The following BCL2L14 variants were observed in gnomAD, a reference collection of about 807,000 sequenced individuals.
The protein encoded by BCL2L14 is BCL2 like 14.
A neutral mutation model predicts 35.3 loss-of-function variants in BCL2L14; 27 were observed. That is an observed-to-expected ratio of 0.76 (90% confidence interval 0.56 to 1.05). The LOEUF is 1.05. Among genes scored for constraint, BCL2L14 ranks in the 50% least tolerant of loss-of-function variants. The pLI is 0.00. For missense variants in BCL2L14, 377 were observed against 382.6 expected, an observed-to-expected ratio of 0.99 and a Z score of 0.12; for synonymous variants, 139 against 145.9, an observed-to-expected ratio of 0.95 and a Z score of 0.34.
At chr12:12,078,397 G>C (rs573640752) in intron 1 of BCL2L14, among the ~76,000 whole-genome samples, 1 of 147,494 alleles carries the variant, frequency 6.8e-6, no homozygotes, top group African/African-American at 2.6e-5. Context: ...TCCCCAGCAA[G>C]ACCTTTAACT....
chr12:12,066,715 ATTTTT>A (rs1308425590), upstream of BCL2L14, among the ~76,000 whole-genome samples: 5 of 149,718 alleles, frequency 3.3e-5, no homozygotes, highest in Admixed American at 2.7e-4. Flanking sequence ...TATTATTATT[ATTTTT>A]TTTTTTTTTT....
rs1334134620 is a variant in BCL2L14, at chr12:12,099,056, A to T, written c.*68A>T. On this transcript the variant is annotated 3_prime_UTR_variant, in exon 6 of 6. Coordinates refer to ENST00000308721, the MANE Select transcript of BCL2L14 (RefSeq NM_138723.2). The stretch of plus-strand genomic sequence containing the variant: ...TCCTGTGCACGTTGGCCTCAGATGG[A>T]CTACAGGAGATTACAACGTACAAGG... The T allele has an allele frequency of 3.5e-6, 4 of 1,131,462 alleles. No homozygotes were observed. In the African/African-American group the frequency reaches 6.1e-5, roughly 17 times the overall value. The allele number at this position is 1,131,462 out of a possible 1,614,324, so 70.1% of individuals were successfully genotyped here.
chr12:12,088,103 C>A (rs1445437393), intron 3 of BCL2L14, among the ~76,000 whole-genome samples: 1 of 152,184 alleles, frequency 6.6e-6, no homozygotes, highest in Non-Finnish European at 1.5e-5. Flanking sequence ...TTCGTTGTCT[C>A]ATGCCAAGGG....
chr12:12,069,836 G>A (rs375563022), upstream of BCL2L14, among the ~76,000 whole-genome samples: 93 of 152,134 alleles, frequency 6.1e-4, no homozygotes, highest in African/African-American at 1.9e-3. Flanking sequence ...AATTCACCTC[G>A]AGTTACTAAA....
rs150012654 is a variant in BCL2L14, at chr12:12,076,980, C to T, written c.-7-2319C>T. ...AGGATGTTGCAGGTTAGAAGCTGAG[C>T]CAGCCGTGGCTATCCATCCTTCAGA... On this transcript the variant is annotated intron_variant, in intron 1 of 5. Transcript: ENST00000308721. Among the ~76,000 whole-genome samples, 441 of 152,286 alleles carry T rather than the reference C, an allele frequency of 2.9e-3. 2 individuals carry two copies. Among genetic ancestry groups the T allele is most frequent in the Non-Finnish European group, 4.8e-3 (329 of 68,036 alleles).
intron 1 of BCL2L14, 158 bp from the exon 2 acceptor site, chr12:12,079,141 C>A: frequency 1.6e-6 from 1 of 642,006 alleles, no homozygotes; most frequent in Non-Finnish European, 2.7e-6. Flanking sequence ...TCTCTCTTCC[C>A]ACCCTAGTAA....
chr12:12,090,306 G>A (rs1403835994), intron 3 of BCL2L14, among the ~76,000 whole-genome samples: 1 of 152,202 alleles, frequency 6.6e-6, no homozygotes, highest in Non-Finnish European at 1.5e-5. Context: ...CTGGGCAGAA[G>A]AGGCGAGGTA....
At chr12:12,075,425 C>CTTTTT (rs1258768035) in intron 1 of BCL2L14, among the ~76,000 whole-genome samples, 5 of 134,150 alleles carry the variant, frequency 3.7e-5, no homozygotes, top group Non-Finnish European at 3.3e-5. Context: ...TTCTTTCTTT[C>CTTTTT]TTTCTTTCTT....
intron 5 of BCL2L14, 96 bp downstream of exon 5, chr12:12,095,026 A>G (rs1159581223): frequency 4.7e-6 from 7 of 1,484,522 alleles, no homozygotes; most frequent in African/African-American, 1.4e-5. Flanking sequence ...CACATCTATG[A>G]AGCAGTTCTC....
At chr12:12,090,163 G>A (rs10845478) in intron 3 of BCL2L14, among the ~76,000 whole-genome samples, 23,769 of 152,130 alleles carry the variant, frequency 0.16, 2,060 homozygotes, top group Middle Eastern at 0.32. Context: ...CTGTGAAACC[G>A]ATGTCTTCAA....
At chr12:12,084,776 C>T (rs1949006145) in intron 2 of BCL2L14, among the ~76,000 whole-genome samples, 2 of 152,134 alleles carry the variant, frequency 1.3e-5, no homozygotes, top group Admixed American at 6.5e-5. Flanking sequence ...ACATGTCTCA[C>T]TCCATGTCCA....
intron 1 of BCL2L14, among the ~76,000 whole-genome samples, chr12:12,072,779 G>A (rs1008276651): frequency 2.6e-5 from 4 of 152,194 alleles, no homozygotes; most frequent in Non-Finnish European, 4.4e-5. Context: ...ATACTCGATC[G>A]CTGCTGCTTG....
In BCL2L14 at chr12:12,060,809, T is replaced by C. The variant is rs561778550; in HGVS notation, c.-272+8962T>C. ...GCCACTCCCAGAGCCCCTGGAACTC[T>C]GGCCGAAGGCTCTCTGACTGACTCC... On this transcript the variant is annotated intron_variant, in intron 2 of 3. Transcript: ENST00000461264. Among the ~76,000 whole-genome samples the C allele has an allele frequency of 2.5e-4, 33 of 131,202 alleles. No individual in the cohort carries two copies. The South Asian group carries it at 7.7e-3, about 31-fold the overall frequency. The allele number at this position is 131,202 out of a possible 152,430, so 86.1% of individuals were successfully genotyped here.
At chr12:12,052,407 A>G (rs745317062) in intron 2 of BCL2L14, among the ~76,000 whole-genome samples, 62 of 151,872 alleles carry the variant, frequency 4.1e-4, no homozygotes, top group Non-Finnish European at 6.9e-4. Flanking sequence ...GGTAACCACC[A>G]TTGTACTCTC....
At chr12:12,097,069 T>C (rs1021709435) in intron 5 of BCL2L14, among the ~76,000 whole-genome samples, 5 of 152,072 alleles carry the variant, frequency 3.3e-5, no homozygotes, top group African/African-American at 9.7e-5. Flanking sequence ...GGTGTAAACC[T>C]GGGAGGCGGA....
Position 12,094,927 on chromosome 12 carries a change from A to G in BCL2L14, c.942A>G (p.Gly314=), listed in dbSNP as rs2136783514. 1 of 1,612,868 alleles carries G rather than the reference A, an allele frequency of 6.2e-7. No individual in the cohort carries two copies. The part of the protein sequence containing the change: ...NFSPWIQQHG[G]WEKILGISHE... ...CGCCATGGATCCAGCAGCACGGTGG[A>G]TGGGTAAGCGTATCCTATTTAAAAA... is the stretch of plus-strand genomic sequence containing the variant. The change falls in exon 5 of 6, where the codon GGA becomes GGG. Residue 314 remains glycine, a synonymous_variant. Coordinates refer to ENST00000308721, the MANE Select transcript of BCL2L14 (RefSeq NM_138723.2).
At chr12:12,094,107 T>TAAA (rs55947114) in intron 4 of BCL2L14, among the ~76,000 whole-genome samples, 12 of 142,828 alleles carry the variant, frequency 8.4e-5, no homozygotes, top group South Asian at 2.3e-4. Context: ...AACCCTGTCT[T>TAAA]AAAAAAAAAA....
In BCL2L14 at chr12:12,079,678, T is replaced by A; in HGVS notation, c.373T>A (p.Ser125Thr). The change falls in exon 2 of 6, where the codon TCG (serine) becomes ACG (threonine). Residue 125 changes from serine (S) to threonine (T), a missense_variant. Coordinates refer to ENST00000308721, the MANE Select transcript of BCL2L14 (RefSeq NM_138723.2). ...TCAAAGGACGTTGGAATACCAAGATTCGCACAGCCAGCAGTGGTCCAGGTG... is the reference window on the plus strand; with the variant it reads ...TCAAAGGACGTTGGAATACCAAGATACGCACAGCCAGCAGTGGTCCAGGTG... ...QGQRTLEYQD[S>T]HSQQWSRCLS... is the part of the protein sequence containing the mutation. 1 of 1,614,246 alleles carries A rather than the reference T, an allele frequency of 6.2e-7. No homozygotes were observed. Among genetic ancestry groups the A allele is most frequent in the Middle Eastern group, 1.7e-4 (1 of 6,060 alleles).
chr12:12,076,525 G>T (rs74064610), intron 1 of BCL2L14, among the ~76,000 whole-genome samples: 1 of 152,080 alleles, frequency 6.6e-6, no homozygotes, highest in African/African-American at 2.4e-5. Flanking sequence ...GGAGGTTTGC[G>T]GGGCTTGGAA....
Sources: allele counts gnomAD v4.1 joint callset (sites outside exome capture counted in the v4.1 genomes callset), GRCh38; gene constraint gnomAD v4.1.1; transcripts MANE v1.5; gene names NCBI Gene and HGNC (gene_info 2026-07-23, HGNC 2026-07-21).